The following FZD10 variants were observed in gnomAD, a reference collection of about 807,000 sequenced individuals.
The protein encoded by FZD10 is frizzled class receptor 10, also known as frizzled-10.
In FZD10, 14 loss-of-function variants were observed where a neutral mutation model predicts 24.4. That is an observed-to-expected ratio of 0.57 (90% CI 0.38 to 0.90). The LOEUF is 0.90. Among genes scored for constraint, FZD10 ranks in the 40% least tolerant of loss-of-function variants. FZD10 has a pLI of 0.00. For synonymous variants in FZD10, 381 were observed against 349.1 expected (o/e 1.09, Z -1.02); for missense variants, 775 against 816.6 (o/e 0.95, Z 0.62).
Position 130,164,771 on chromosome 12 carries a change from C to CTT in FZD10, c.*95_*96dup, listed in dbSNP as rs11326930. On this transcript the variant is annotated 3_prime_UTR_variant, in exon 1 of 1. Transcript: ENST00000229030. This position sits in a 1 kb window ranked among gnomAD's most constrained non-coding sequence, Gnocchi z 5.3. ...GGTTGTGTTTTTCTTTCTTCTTCTT[C>CTT]TTTTTTTTTTTTTATAAAAGCAAAA... 158 of 745,222 alleles carry CTT rather than the reference C, an allele frequency of 2.1e-4. No homozygotes were observed. Among genetic ancestry groups the CTT allele is most frequent in the Middle Eastern group, 4.3e-4 (1 of 2,348 alleles). 46.2% of individuals were successfully genotyped at this position (745,222 alleles called of 1,614,324 possible). A position where few individuals can be genotyped will look rare whatever the true frequency, so the allele number is the denominator to read the frequency against.
rs2135796736 is a variant in FZD10 at position 130,164,444 on chromosome 12, T to C, written c.1502T>C (p.Val501Ala). 2 of 1,613,802 alleles carry C rather than the reference T, an allele frequency of 1.2e-6. No homozygotes were observed. The highest frequency in any genetic ancestry group is 2.2e-5 in the East Asian group (1 of 44,872). ...CTGATGGCCGCCTCCATCCCCGCCG[T>C]GGAGATCTTCATGGTGAAGATCTTT... ...DCLMAASIPA[V>A]EIFMVKIFML... The change falls in exon 1 of 1, where the codon GTG becomes GCG. Residue 501 changes from valine to alanine, a missense_variant. Transcript: ENST00000229030. The surrounding 1 kb of genome is among the most constrained non-coding windows in gnomAD (Gnocchi z 5.3).
At position 130,162,743 on chromosome 12, in the gene FZD10, C is replaced by G; in HGVS notation, c.-200C>G. The G allele has an allele frequency of 6.8e-6, 2 of 294,534 alleles. No individual in the cohort carries two copies. The highest frequency in any genetic ancestry group is 1.3e-5 in the Non-Finnish European group (2 of 159,574). The allele number at this position is 294,534 out of a possible 1,614,324, so 18.2% of individuals were successfully genotyped here. A position where few individuals can be genotyped will look rare whatever the true frequency, so the allele number is the denominator to read the frequency against. On this transcript the variant is annotated 5_prime_UTR_variant, in exon 1 of 1. Transcript: ENST00000229030. ...TATTGTTTGCAAACTTTGCTGCTCT[C>G]CGCCGCGGCCCCCAACTCGGCGGAC... is the stretch of plus-strand genomic sequence containing the variant.
rs1030287197 is a variant in FZD10, at chr12:130,163,440, G to A, written c.498G>A (p.Pro166=). The change falls in exon 1 of 1, where the codon CCG becomes CCA. Residue 166 remains proline (P), a synonymous_variant. Transcript: ENST00000229030. ...CCACCCGGGGCTCGGGCCTGTTCCC[G>A]CCGCTGTTCCGGCCGCAGCGGCCCC... ...DEPTRGSGLF[P]PLFRPQRPHS... 5 of 1,611,708 alleles carry A rather than the reference G, an allele frequency of 3.1e-6. No homozygotes were observed. The highest frequency in any genetic ancestry group is 1.1e-5 in the South Asian group (1 of 91,044).
Position 130,163,519 on chromosome 12 carries a change from G to C in FZD10, c.577G>C (p.Asp193His), listed in dbSNP as rs1871723828. The change falls in exon 1 of 1, where the codon GAC (aspartate) becomes CAC (histidine). Residue 193 changes from aspartate to histidine, a missense_variant. Physicochemically the swap from Asp to His is moderately conservative, Grantham distance 81. Transcript: ENST00000229030. Reference sequence around the variant, plus strand: ...CGGGGGCCCCGGGCGCGGCGGCTGCGACAACCCGGGCAAGTTCCACCACGT... The same window carrying C: ...CGGGGGCCCCGGGCGCGGCGGCTGCCACAACCCGGGCAAGTTCCACCACGT... ...KDGGPGRGGC[D>H]NPGKFHHVEK... 3 of 1,586,068 alleles carry C rather than the reference G, an allele frequency of 1.9e-6. No individual in the cohort carries two copies. The highest frequency in any genetic ancestry group is 2.6e-6 in the Non-Finnish European group (3 of 1,167,402).
Position 130,162,940 on chromosome 12 carries a change from A to C in FZD10, c.-3A>C. ...TCCCCGCGAGGACACGTCCAACGCC[A>C]GCATGCAGCGCCCGGGCCCCCGCCT... On this transcript the variant is annotated 5_prime_UTR_variant, in exon 1 of 1. Coordinates refer to ENST00000229030, the MANE Select transcript of FZD10 (RefSeq NM_007197.4). The C allele has an allele frequency of 6.6e-7, 1 of 1,514,018 alleles. No homozygotes were observed. Among genetic ancestry groups the C allele is most frequent in the Non-Finnish European group, 8.9e-7 (1 of 1,126,716 alleles). The allele number at this position is 1,514,018 out of a possible 1,614,324, so 93.8% of individuals were successfully genotyped here. A position where few individuals can be genotyped will look rare whatever the true frequency, so the allele number is the denominator to read the frequency against.
Position 130,163,460 on chromosome 12 carries a change from G to A in FZD10, c.518G>A (p.Arg173Gln), listed in dbSNP as rs777186624. ...TTCCCGCCGCTGTTCCGGCCGCAGC[G>A]GCCCCACAGCGCGCAGGAGCACCCG... Reference protein sequence around the residue: ...GLFPPLFRPQRPHSAQEHPLK... With the variant: ...GLFPPLFRPQQPHSAQEHPLK... The change falls in exon 1 of 1, where the codon CGG becomes CAG. Residue 173 changes from arginine (R) to glutamine (Q), a missense_variant. By Grantham distance (43) the Arg-to-Gln change is conservative. Transcript: ENST00000229030. 7 of 1,609,858 alleles carry A rather than the reference G, an allele frequency of 4.3e-6. No homozygotes were observed. In the Admixed American group the frequency reaches 8.4e-5, roughly 19 times the overall value.
At position 130,164,187 on chromosome 12, in the gene FZD10, G is replaced by C. The variant is rs374589029; in HGVS notation, c.1245G>C (p.Ser415=). The change falls in exon 1 of 1, where the codon TCG becomes TCC. Residue 415 remains serine (S), a synonymous_variant. Transcript: ENST00000229030. The surrounding 1 kb of genome is among the most constrained non-coding windows in gnomAD (Gnocchi z 5.3). ...TCATCGGCACGTCCTTCATCCTCTCGGGCTTCGTGGCCCTGTTCCACATCC... is the reference window on the plus strand; with the variant it reads ...TCATCGGCACGTCCTTCATCCTCTCCGGCTTCGTGGCCCTGTTCCACATCC... The part of the protein sequence containing the change: ...YLVIGTSFIL[S]GFVALFHIRR... 1.1e-5 allele frequency: 18 copies of C among 1,613,978 alleles called. No homozygotes were observed. The highest frequency in any genetic ancestry group is 1.2e-5 in the Non-Finnish European group (14 of 1,180,040).
Position 130,162,955 on chromosome 12 carries a change from G to T in FZD10, c.13G>T (p.Gly5Cys). Residue 5 changes from glycine (G) to cysteine (C), a missense_variant, in exon 1 of 1, where the codon GGC becomes TGC. Transcript: ENST00000229030. ...GTCCAACGCCAGCATGCAGCGCCCG[G>T]GCCCCCGCCTGTGGCTGGTCCTGCA... MQRP[G>C]PRLWLVLQVM... 6.5e-7 allele frequency: 1 copy of T among 1,536,580 alleles called. No homozygotes were observed. Among genetic ancestry groups the T allele is most frequent in the Non-Finnish European group, 8.8e-7 (1 of 1,137,688 alleles).
In FZD10 at chr12:130,164,979, CTT is replaced by C. The variant is rs1268377395; in HGVS notation, c.*294_*295del. 9 of 313,428 alleles carry C rather than the reference CTT, an allele frequency of 2.9e-5. No individual in the cohort carries two copies. Among genetic ancestry groups the C allele is most frequent in the African/African-American group, 8.7e-5 (4 of 46,222 alleles). The allele number at this position is 313,428 out of a possible 1,614,324, so 19.4% of individuals were successfully genotyped here. On this transcript the variant is annotated 3_prime_UTR_variant, in exon 1 of 1. Transcript: ENST00000229030. The surrounding 1 kb of genome is among the most constrained non-coding windows in gnomAD (Gnocchi z 5.3). ...AGTTGATTCAGCCCTCAGAAGAAAA[CTT>C]TTGTTTAGAGCCCTCCCTAAATATA...
chr12:130,163,410 C>A lies in FZD10; in HGVS notation c.468C>A (p.Asp156Glu), dbSNP rs964564427. 1 of 1,612,482 alleles carries A rather than the reference C, an allele frequency of 6.2e-7. No individual in the cohort carries two copies. The highest frequency in any genetic ancestry group is 2.2e-5 in the East Asian group (1 of 44,816). Residue 156 changes from aspartate to glutamate, a missense_variant, in exon 1 of 1, where the codon GAC (aspartate) becomes GAA (glutamate). Asp to Glu is a conservative substitution (Grantham distance 45). Coordinates refer to ENST00000229030, the MANE Select transcript of FZD10 (RefSeq NM_007197.4). ...TGGAGGCGCCCAACAACGGCTCGGACGAGCCCACCCGGGGCTCGGGCCTGT... is the reference window on the plus strand; with the variant it reads ...TGGAGGCGCCCAACAACGGCTCGGAAGAGCCCACCCGGGGCTCGGGCCTGT... ...LCMEAPNNGS[D>E]EPTRGSGLFP...
chr12:130,163,139 T>A lies in FZD10; in HGVS notation c.197T>A (p.Ile66Asn). ...MGHENQREAA[I>N]QLHEFAPLVE... is the part of the protein sequence containing the mutation. Reference sequence around the variant, plus strand: ...CACGAGAACCAGCGCGAGGCAGCCATCCAGTTGCACGAGTTCGCGCCGCTG... The same window carrying A: ...CACGAGAACCAGCGCGAGGCAGCCAACCAGTTGCACGAGTTCGCGCCGCTG... The change falls in exon 1 of 1, where the codon ATC (isoleucine) becomes AAC (asparagine). Residue 66 changes from isoleucine to asparagine, a missense_variant. Coordinates refer to ENST00000229030, the MANE Select transcript of FZD10 (RefSeq NM_007197.4). The A allele has an allele frequency of 6.2e-7, 1 of 1,612,824 alleles. No homozygotes were observed. The highest frequency in any genetic ancestry group is 8.5e-7 in the Non-Finnish European group (1 of 1,179,908).
rs371494253 is a variant in FZD10, at chr12:130,163,591, G to C, written c.649G>C (p.Val217Leu). The change falls in exon 1 of 1, where the codon GTG becomes CTG. Residue 217 changes from valine to leucine, a missense_variant. Physicochemically the swap from Val to Leu is conservative, Grantham distance 32 (BLOSUM62 1). Coordinates refer to ENST00000229030, the MANE Select transcript of FZD10 (RefSeq NM_007197.4). ...CAPLCTPGVD[V>L]YWSREDKRFA... ...GCCGCTCTGCACGCCCGGCGTGGACGTGTACTGGAGCCGCGAGGACAAGCG... is the reference window on the plus strand; with the variant it reads ...GCCGCTCTGCACGCCCGGCGTGGACCTGTACTGGAGCCGCGAGGACAAGCG... 7 of 1,611,126 alleles carry C rather than the reference G, an allele frequency of 4.3e-6. No individual in the cohort carries two copies. Among genetic ancestry groups the C allele is most frequent in the Non-Finnish European group, 5.1e-6 (6 of 1,178,910 alleles).
Position 130,162,920 on chromosome 12 carries a change from G to A in FZD10, c.-23G>A. 2 of 1,469,610 alleles carry A rather than the reference G, an allele frequency of 1.4e-6. No individual in the cohort carries two copies. Among genetic ancestry groups the A allele is most frequent in the Non-Finnish European group, 1.8e-6 (2 of 1,106,358 alleles). The allele number at this position is 1,469,610 out of a possible 1,614,324, so 91.0% of individuals were successfully genotyped here. Reference sequence around the variant, plus strand: ...GGCGCTGAGGGGCGCGGAGCTCCCCGCGAGGACACGTCCAACGCCAGCATG... The same window carrying A: ...GGCGCTGAGGGGCGCGGAGCTCCCCACGAGGACACGTCCAACGCCAGCATG... On this transcript the variant is annotated 5_prime_UTR_variant, in exon 1 of 1. Transcript: ENST00000229030.
chr12:130,163,887 C>T lies in FZD10; in HGVS notation c.945C>T (p.Val315=). Residue 315 remains valine, a synonymous_variant, in exon 1 of 1, where the codon GTC becomes GTT. Coordinates refer to ENST00000229030, the MANE Select transcript of FZD10 (RefSeq NM_007197.4). ...CCGGCTGCACGCTGGTCTTCCTGGT[C>T]CTCTACTACTTCGGCATGGCCAGCT... is the stretch of plus-strand genomic sequence containing the variant. The part of the protein sequence containing the change: ...ESTGCTLVFL[V]LYYFGMASSL... 1 of 1,614,004 alleles carries T rather than the reference C, an allele frequency of 6.2e-7. No homozygotes were observed. Among genetic ancestry groups the T allele is most frequent in the East Asian group, 2.2e-5 (1 of 44,872 alleles).
rs757257256 is a variant in FZD10 at position 130,164,641 on chromosome 12, C to G, written c.1699C>G (p.His567Asp). 1 of 1,612,336 alleles carries G rather than the reference C, an allele frequency of 6.2e-7. No individual in the cohort carries two copies. The highest frequency in any genetic ancestry group is 8.5e-7 in the Non-Finnish European group (1 of 1,179,848). ...YKKAQHPQKT[H>D]HGKYEIPAQS... ...AAAAGCCCAGCATCCCCAGAAAACT[C>G]ACCACGGGAAATATGAGATCCCTGC... is the stretch of plus-strand genomic sequence containing the variant. Residue 567 changes from histidine (H) to aspartate (D), a missense_variant, in exon 1 of 1, where the codon CAC (histidine) becomes GAC (aspartate). His to Asp is a moderately conservative substitution (Grantham distance 81). Coordinates refer to ENST00000229030, the MANE Select transcript of FZD10 (RefSeq NM_007197.4). This position sits in a 1 kb window ranked among gnomAD's most constrained non-coding sequence, Gnocchi z 5.3.
rs996926184 is a variant in FZD10, at chr12:130,165,584, T to C, written c.*896T>C. Reference sequence around the variant, plus strand: ...TAAACAAATGATTTCCACAAACAGATCAGGAAGCACTAGGTTGGCAGAGAC... The same window carrying C: ...TAAACAAATGATTTCCACAAACAGACCAGGAAGCACTAGGTTGGCAGAGAC... On this transcript the variant is annotated 3_prime_UTR_variant, in exon 1 of 1. Coordinates refer to ENST00000229030, the MANE Select transcript of FZD10 (RefSeq NM_007197.4). 10 of 167,074 alleles carry C rather than the reference T, an allele frequency of 6.0e-5. No homozygotes were observed. The highest frequency in any genetic ancestry group is 2.4e-4 in the African/African-American group (10 of 41,456). 10.3% of individuals were successfully genotyped at this position (167,074 alleles called of 1,614,324 possible).
rs1871747547 is a variant in FZD10, at chr12:130,163,996, AG to A, written c.1055del (p.Ser352ThrfsTer13). On this transcript the variant is annotated frameshift_variant, in exon 1 of 1. Coordinates refer to ENST00000229030, the MANE Select transcript of FZD10 (RefSeq NM_007197.4). LOFTEE classifies it high-confidence loss of function. ...WGHEAIEANS[S>X]YFHLAAWAIP... ...CCACGAGGCCATCGAAGCCAACAGCAGCTACTTCCACCTGGCAGCCTGGGCC... is the reference window on the plus strand; with the variant it reads ...CCACGAGGCCATCGAAGCCAACAGCACTACTTCCACCTGGCAGCCTGGGCC... 1 of 1,613,768 alleles carries A rather than the reference AG, an allele frequency of 6.2e-7. No homozygotes were observed. Among genetic ancestry groups the A allele is most frequent in the Non-Finnish European group, 8.5e-7 (1 of 1,180,042 alleles).
At position 130,164,706 on chromosome 12, in the gene FZD10, G is replaced by C. The variant is rs751719606; in HGVS notation, c.*18G>C. 22 of 1,534,078 alleles carry C rather than the reference G, an allele frequency of 1.4e-5. No homozygotes were observed. The South Asian group carries it at 2.7e-4, about 19-fold the overall frequency. ...GCGTGTGAACAGGGCTGGAGGGAAG[G>C]GCACAGGGGCGCCCGGAGCTAAGAT... is the stretch of plus-strand genomic sequence containing the variant. On this transcript the variant is annotated 3_prime_UTR_variant, in exon 1 of 1. Transcript: ENST00000229030. The surrounding 1 kb of genome is among the most constrained non-coding windows in gnomAD (Gnocchi z 5.3).
Position 130,163,428 on chromosome 12 carries a change from G to T in FZD10, c.486G>T (p.Ser162=), listed in dbSNP as rs973296981. 9.3e-6 allele frequency: 15 copies of T among 1,610,424 alleles called. No homozygotes were observed. In the South Asian group the frequency reaches 1.4e-4, roughly 15 times the overall value. Residue 162 remains serine (S), a synonymous_variant, in exon 1 of 1, where the codon TCG becomes TCT. Coordinates refer to ENST00000229030, the MANE Select transcript of FZD10 (RefSeq NM_007197.4). ...NNGSDEPTRG[S]GLFPPLFRPQ... Reference sequence around the variant, plus strand: ...GCTCGGACGAGCCCACCCGGGGCTCGGGCCTGTTCCCGCCGCTGTTCCGGC... The same window carrying T: ...GCTCGGACGAGCCCACCCGGGGCTCTGGCCTGTTCCCGCCGCTGTTCCGGC...
Sources: allele counts gnomAD v4.1 joint callset, GRCh38; gene constraint gnomAD v4.1.1; non-coding constraint Gnocchi (gnomAD v3.1); transcripts MANE v1.5; gene names NCBI Gene and HGNC (gene_info 2026-07-23, HGNC 2026-07-21).